The following GPR143 variants were observed in gnomAD, a reference collection of about 807,000 sequenced individuals.
GPR143 encodes the protein G-protein coupled receptor 143.
A neutral mutation model predicts 27.6 loss-of-function variants in GPR143; 8 were observed. That is an observed-to-expected ratio of 0.29 (90% CI 0.17 to 0.52). GPR143 has a LOEUF of 0.52. GPR143 is among the 20% of genes least tolerant of loss of function. GPR143 has a pLI of 0.96. For synonymous variants in GPR143, 156 were observed against 153.2 expected (o/e 1.02, Z -0.13); for missense variants, 303 against 343.1 (o/e 0.88, Z 0.92).
At chrX:9,725,976 T>C (rs2083324223) in intron 8 of GPR143, 136 bp from the exon 9 acceptor site, 2 of 360,748 alleles carry the variant, frequency 5.5e-6, no homozygotes, top group African/African-American at 6.0e-5. Flanking sequence ...ATTCATCTCA[T>C]CTGCAAAAAA....
intron 1 of GPR143, 115 bp from the exon 2 acceptor site, chrX:9,760,941 A>AGAAG (rs1200427285): frequency 1.7e-5 from 8 of 469,150 alleles, no homozygotes; most frequent in East Asian, 4.0e-5. Flanking sequence ...AGAGGAAGGA[A>AGAAG]GAAGGAAGGA....
intron 7 of GPR143, 134 bp from the exon 8 acceptor site, chrX:9,739,853 G>T (rs983554306): frequency 3.9e-6 from 2 of 517,372 alleles, no homozygotes; most frequent in African/African-American, 4.6e-5. Context: ...ACCATGGGTT[G>T]GCTGGTGGCT....
At chrX:9,732,863 C>A (rs1569115365) in intron 8 of GPR143, among the ~76,000 whole-genome samples, 1 of 48,289 alleles carries the variant, frequency 2.1e-5, no homozygotes, top group Middle Eastern at 0.024. Flanking sequence ...GAAACTCCAT[C>A]TCAAAAAAAA....
At chrX:9,764,548 C>T (rs992555754) in intron 1 of GPR143, among the ~76,000 whole-genome samples, 7 of 104,601 alleles carry the variant, frequency 6.7e-5, no homozygotes, top group Non-Finnish European at 1.4e-4. Context: ...ACACACAGAG[C>T]GAGACAGAGA....
intron 1 of GPR143, among the ~76,000 whole-genome samples, chrX:9,774,843 A>AT (rs200503582): frequency 1.8e-5 from 2 of 110,383 alleles, no homozygotes; most frequent in African/African-American, 6.6e-5. Flanking sequence ...CCACATAAGG[A>AT]TTTTTTTTAA....
chrX:9,747,055 C>T (rs2083431897), intron 4 of GPR143, among the ~76,000 whole-genome samples: 1 of 81,767 alleles, frequency 1.2e-5, no homozygotes, highest in Non-Finnish European at 2.4e-5. Flanking sequence ...GGGAAAAATG[C>T]AATACCCGTC....
At chrX:9,731,763 G>C (rs781707955) in intron 8 of GPR143, among the ~76,000 whole-genome samples, 45 of 96,400 alleles carry the variant, frequency 4.7e-4, no homozygotes, top group African/African-American at 1.6e-3. Flanking sequence ...AGAATTGTGA[G>C]AGAGAATAGG....
intron 1 of GPR143, among the ~76,000 whole-genome samples, chrX:9,762,002 G>A (rs370316816): frequency 6.2e-5 from 7 of 112,091 alleles, no homozygotes; most frequent in African/African-American, 1.6e-4. Flanking sequence ...TGGGAGAATC[G>A]CTTGAGCCCG....
At chrX:9,751,148 G>A (rs994895460) in intron 3 of GPR143, among the ~76,000 whole-genome samples, 7 of 112,755 alleles carry the variant, frequency 6.2e-5, no homozygotes, top group African/African-American at 2.3e-4. Context: ...AACCCTCTGC[G>A]GCCTTCCTGT....
intron 8 of GPR143, chrX:9,726,100 G>A: frequency 2.3e-6 from 1 of 441,761 alleles, no homozygotes; most frequent in Non-Finnish European, 2.8e-6. Context: ...ATCTAGGCCA[G>A]TTGATTGATA....
At chrX:9,730,094 G>T (rs893347826) in intron 8 of GPR143, among the ~76,000 whole-genome samples, 9 of 112,677 alleles carry the variant, frequency 8.0e-5, no homozygotes, top group African/African-American at 2.9e-4. Flanking sequence ...TCTAGCCCAG[G>T]TGTGTAGTTG....
chrX:9,740,753 C>CTTTTTTTTT (rs374177494), intron 7 of GPR143: 7 of 178,141 alleles, frequency 3.9e-5, no homozygotes, highest in Non-Finnish European at 5.9e-5. Context: ...TTCTTTCTTT[C>CTTTTTTTTT]TTTTTTTTTT....
intron 1 of GPR143, among the ~76,000 whole-genome samples, chrX:9,765,341 C>T (rs1179642667): frequency 2.7e-5 from 3 of 112,332 alleles, no homozygotes; most frequent in African/African-American, 9.7e-5. Context: ...GCCTCAAGCC[C>T]TCAGCCGGGG....
chrX:9,741,127 C>G (rs1411559707), intron 7 of GPR143: 1 of 299,007 alleles, frequency 3.3e-6, no homozygotes, highest in Non-Finnish European at 5.9e-6. Flanking sequence ...GAGATGGGGT[C>G]TCCCTACATT....
At chrX:9,757,116 C>T (rs2083476825) in intron 3 of GPR143, among the ~76,000 whole-genome samples, 1 of 112,419 alleles carries the variant, frequency 8.9e-6, no homozygotes, top group African/African-American at 3.2e-5. Context: ...AACAAAATAT[C>T]ACACACTAGG....
chrX:9,768,739 G>A (rs1264683202), upstream of GPR143, among the ~76,000 whole-genome samples: 3 of 109,333 alleles, frequency 2.7e-5, no homozygotes, highest in East Asian at 2.9e-4. Context: ...GTGCAGTGGC[G>A]TGATCTCAGC....
At chrX:9,769,825 G>A (rs1016563455), upstream of GPR143, among the ~76,000 whole-genome samples, 3 of 110,647 alleles carry the variant, frequency 2.7e-5, no homozygotes, top group Non-Finnish European at 5.7e-5. Context: ...CAGGTGATCC[G>A]CCCGCCTCAG....
chrX:9,743,029 C>A (rs888682444), intron 6 of GPR143, among the ~76,000 whole-genome samples: 6 of 110,380 alleles, frequency 5.4e-5, no homozygotes, highest in African/African-American at 1.3e-4. Context: ...ATCACTTGAA[C>A]CTGAGAGGCG....
intron 3 of GPR143, among the ~76,000 whole-genome samples, chrX:9,752,882 G>C (rs1453039497): frequency 9.0e-6 from 1 of 110,542 alleles, no homozygotes; most frequent in East Asian, 2.8e-4. Flanking sequence ...AGGAATACAG[G>C]CGCCTTCTAG....
Sources: gnomAD v4.1 joint callset for allele counts (sites outside exome capture counted in the v4.1 genomes callset) on GRCh38, gnomAD v4.1.1 for gene constraint, MANE v1.5 for transcripts, NCBI Gene and HGNC (gene_info 2026-07-23, HGNC 2026-07-21) for gene names.